Variants in LRRC8D observed in about 807,000 individuals in gnomAD.
LRRC8D encodes volume-regulated anion channel subunit LRRC8D.
In LRRC8D, 20 loss-of-function variants were observed where a neutral mutation model predicts 55.8. The observed-to-expected ratio is 0.36, with a 90% CI of 0.25 to 0.52. The LOEUF (loss-of-function observed/expected upper bound fraction) is 0.52, where lower values mean the gene tolerates loss of function less well. Ranked by LOEUF, LRRC8D falls within the 20% of genes least tolerant of loss-of-function variation. The pLI, the probability that LRRC8D is intolerant of heterozygous loss-of-function variation, is 0.93. For synonymous variants in LRRC8D, 352 were observed against 377.0 expected (o/e 0.93, Z 0.77); for missense variants, 651 against 1,030.8 (o/e 0.63, Z 5.05).
intron 1 of LRRC8D, among the ~76,000 whole-genome samples, chr1:89,841,950 C>T (rs1476879416): frequency 3.9e-5 from 6 of 152,114 alleles, no homozygotes; most frequent in Admixed American, 1.3e-4. Context: ...TGGTGGTTTA[C>T]GCCTGTAATC....
chr1:89,858,218 T>C (rs926250837), intron 2 of LRRC8D, among the ~76,000 whole-genome samples: 11 of 152,092 alleles, frequency 7.2e-5, no homozygotes, highest in African/African-American at 2.4e-4. Context: ...GCGACAAGAG[T>C]GAAACTCCAT....
chr1:89,900,306 T>C (rs1265094238), intron 2 of LRRC8D, among the ~76,000 whole-genome samples: 1 of 152,088 alleles, frequency 6.6e-6, no homozygotes, highest in African/African-American at 2.4e-5. Flanking sequence ...CTGATGGTGT[T>C]TTATTCAATT....
At chr1:89,915,537 T>G (rs1663245579) in intron 2 of LRRC8D, among the ~76,000 whole-genome samples, 1 of 152,250 alleles carries the variant, frequency 6.6e-6, no homozygotes, top group Non-Finnish European at 1.5e-5. Context: ...TATGATATTT[T>G]AGGCTGGAAT....
chr1:89,887,817 A>ATTC (rs199926749), intron 2 of LRRC8D, among the ~76,000 whole-genome samples: 1 of 152,210 alleles, frequency 6.6e-6, no homozygotes, highest in Non-Finnish European at 1.5e-5. Context: ...ATGGCATGGC[A>ATTC]TTCTTCTTCT....
At chr1:89,843,418 C>T (rs1418247338) in intron 1 of LRRC8D, 6 of 345,934 alleles carry the variant, frequency 1.7e-5, no homozygotes, top group Non-Finnish European at 3.1e-5. Context: ...AGCGAGGCCA[C>T]CAGCAGGGGG....
chr1:89,840,225 G>A (rs947477864), intron 1 of LRRC8D, among the ~76,000 whole-genome samples: 11 of 141,820 alleles, frequency 7.8e-5, no homozygotes, highest in African/African-American at 2.2e-4. Flanking sequence ...ACACACGTGC[G>A]CATGCACACA....
intron 1 of LRRC8D, chr1:89,821,851 T>A: frequency 6.6e-6 from 1 of 151,708 alleles, no homozygotes; most frequent in South Asian, 2.1e-4. Context: ...CCCCCGCGCC[T>A]GTGGGAGGGA....
intron 2 of LRRC8D, among the ~76,000 whole-genome samples, chr1:89,870,562 T>C (rs1014444842): frequency 6.6e-6 from 1 of 152,208 alleles, no homozygotes; most frequent in African/African-American, 2.4e-5. Flanking sequence ...AAATTTTGTG[T>C]ACTTTTACTA....
intron 2 of LRRC8D, among the ~76,000 whole-genome samples, chr1:89,856,147 G>A (rs1240685044): frequency 6.6e-6 from 1 of 151,882 alleles, no homozygotes; most frequent in African/African-American, 2.4e-5. Flanking sequence ...AGCCTTCTTG[G>A]GCATTAAATT....
chr1:89,934,106 G>C lies in LRRC8D; in HGVS notation c.1038G>C (p.Leu346=), dbSNP rs149624671. The part of the protein sequence containing the change: ...EHVCKPKVEH[L]IGYEVFECTH... The stretch of plus-strand genomic sequence containing the variant: ...TCTGCAAGCCCAAAGTTGAGCATCT[G>C]ATTGGTTATGAGGTATTTGAGTGCA... The change falls in exon 3 of 3, where the codon CTG becomes CTC. Residue 346 remains leucine (L), a synonymous_variant. Transcript: ENST00000337338. This position sits in a 1 kb window ranked among gnomAD's most constrained non-coding sequence, Gnocchi z 5.9. 2.3e-5 allele frequency: 37 copies of C among 1,614,078 alleles called. No individual in the cohort carries two copies. In the Middle Eastern group the frequency reaches 9.9e-4, roughly 43 times the overall value.
chr1:89,826,771 G>A (rs573421755), intron 1 of LRRC8D, among the ~76,000 whole-genome samples: 1 of 152,292 alleles, frequency 6.6e-6, no homozygotes, highest in South Asian at 2.1e-4. Context: ...AACACACAGT[G>A]GAATTTCTAG....
At chr1:89,825,063 C>G (rs1389534664) in intron 1 of LRRC8D, among the ~76,000 whole-genome samples, 1 of 152,110 alleles carries the variant, frequency 6.6e-6, no homozygotes, top group Non-Finnish European at 1.5e-5. Context: ...TGTTCCTTCT[C>G]AATGTTATCC....
Position 89,934,893 on chromosome 1 carries a change from G to A in LRRC8D, c.1825G>A (p.Val609Met), listed in dbSNP as rs1455941388. The A allele has an allele frequency of 2.5e-6, 4 of 1,614,136 alleles. No individual in the cohort carries two copies. The highest frequency in any genetic ancestry group is 3.4e-6 in the Non-Finnish European group (4 of 1,180,014). ...LTKVPSNITD[V>M]APHLTKLVIH... Reference sequence around the variant, plus strand: ...CAAAGTTCCCTCCAACATTACAGATGTGGCTCCACATCTTACAAAGTTAGT... The same window carrying A: ...CAAAGTTCCCTCCAACATTACAGATATGGCTCCACATCTTACAAAGTTAGT... Residue 609 changes from valine (V) to methionine (M), a missense_variant, in exon 3 of 3, where the codon GTG (valine) becomes ATG (methionine). Transcript: ENST00000337338. The surrounding 1 kb of genome is among the most constrained non-coding windows in gnomAD (Gnocchi z 5.9).
At chr1:89,835,342 C>T (rs1408759760) in intron 1 of LRRC8D, among the ~76,000 whole-genome samples, 1 of 152,190 alleles carries the variant, frequency 6.6e-6, no homozygotes, top group Admixed American at 6.5e-5. Context: ...GGGGGCCAGT[C>T]ATCAAACTTT....
chr1:89,852,998 G>A (rs1661459712), intron 2 of LRRC8D, among the ~76,000 whole-genome samples: 1 of 152,188 alleles, frequency 6.6e-6, no homozygotes, highest in Admixed American at 6.5e-5. Flanking sequence ...GGTAAAATAA[G>A]TGTTGCAATC....
intron 2 of LRRC8D, among the ~76,000 whole-genome samples, chr1:89,904,050 G>C (rs950945635): frequency 6.6e-6 from 1 of 152,260 alleles, no homozygotes; most frequent in African/African-American, 2.4e-5. Flanking sequence ...CCCCTACTCA[G>C]GATTCAAGCC....
intron 2 of LRRC8D, among the ~76,000 whole-genome samples, chr1:89,861,996 G>T (rs4658340): frequency 0.33 from 50,659 of 152,018 alleles, 9,034 homozygotes; most frequent in African/African-American, 0.46. Flanking sequence ...ACATAAAACA[G>T]TTATTGATTA....
intron 2 of LRRC8D, among the ~76,000 whole-genome samples, chr1:89,906,179 A>T (rs1268218756): frequency 6.6e-6 from 1 of 151,880 alleles, no homozygotes; most frequent in Non-Finnish European, 1.5e-5. Context: ...TTTTAGGCTT[A>T]AAAAAATCCC....
At chr1:89,925,444 G>T (rs1001823368) in intron 2 of LRRC8D, among the ~76,000 whole-genome samples, 1 of 151,938 alleles carries the variant, frequency 6.6e-6, no homozygotes, top group South Asian at 2.1e-4. Context: ...CCCCTCCCCC[G>T]TCCATGGAAA....
Sources: gnomAD v4.1 joint callset for allele counts (sites outside exome capture counted in the v4.1 genomes callset) on GRCh38, gnomAD v4.1.1 for gene constraint, Gnocchi (gnomAD v3.1) non-coding constraint, MANE v1.5 for transcripts, NCBI Gene and HGNC (gene_info 2026-07-23, HGNC 2026-07-21) for gene names.